Variants in KCNB2 observed in about 807,000 individuals in gnomAD.
KCNB2 encodes potassium voltage-gated channel subfamily B member 2, also known as delayed rectifier potassium channel protein.
In KCNB2, 15 loss-of-function variants were observed where a neutral mutation model predicts 61.5. The observed-to-expected ratio is 0.24, with a 90% CI of 0.16 to 0.38. KCNB2 has a LOEUF of 0.38. Ranked by LOEUF, KCNB2 falls within the 10% of genes least tolerant of loss-of-function variation. The probability of loss-of-function intolerance (pLI) is 1.00; values close to 1 mark genes in which losing one functional copy is unlikely to be tolerated. For synonymous variants in KCNB2, 457 were observed against 446.0 expected, an observed-to-expected ratio of 1.02 and a Z score of -0.31; for missense variants, 828 against 1,125.2, an observed-to-expected ratio of 0.74 and a Z score of 3.78.
intron 2 of KCNB2, among the ~76,000 whole-genome samples, chr8:72,622,724 G>A (rs1805731696): frequency 6.6e-6 from 1 of 152,146 alleles, no homozygotes; most frequent in Non-Finnish European, 1.5e-5. Flanking sequence ...TTGTTTAATT[G>A]TTCTGGTCTA....
intron 2 of KCNB2, among the ~76,000 whole-genome samples, chr8:72,790,094 C>A (rs1451782751): frequency 6.6e-6 from 1 of 152,116 alleles, no homozygotes; most frequent in Non-Finnish European, 1.5e-5. Flanking sequence ...TAGATACTCT[C>A]AGTTGCTTGT....
chr8:72,863,023 T>A (rs1000900307), intron 2 of KCNB2, among the ~76,000 whole-genome samples: 1 of 152,232 alleles, frequency 6.6e-6, no homozygotes, highest in African/African-American at 2.4e-5. Context: ...TCAAAGCCCA[T>A]GTTTTTTGCC....
At chr8:72,849,425 T>G (rs968560621) in intron 2 of KCNB2, among the ~76,000 whole-genome samples, 1 of 152,158 alleles carries the variant, frequency 6.6e-6, no homozygotes, top group African/African-American at 2.4e-5. Context: ...ACACTAGAAC[T>G]TATTCCTCCT....
At chr8:72,689,175 A>G (rs2128989877) in intron 2 of KCNB2, among the ~76,000 whole-genome samples, 1 of 152,320 alleles carries the variant, frequency 6.6e-6, no homozygotes, top group Non-Finnish European at 1.5e-5. Flanking sequence ...CATTTGTGTA[A>G]TTGTTCATCA....
intron 2 of KCNB2, among the ~76,000 whole-genome samples, chr8:72,899,644 G>A (rs1806053145): frequency 6.8e-6 from 1 of 147,890 alleles, no homozygotes; most frequent in African/African-American, 2.6e-5. Flanking sequence ...CAAAAGAATT[G>A]AAATACCTAG....
chr8:72,665,243 G>A (rs1042331608), intron 2 of KCNB2, among the ~76,000 whole-genome samples: 2 of 152,166 alleles, frequency 1.3e-5, no homozygotes, highest in East Asian at 1.9e-4. Flanking sequence ...AGAGGACCAC[G>A]GTCTTTGCTG....
chr8:72,874,436 G>A (rs2129004985), intron 2 of KCNB2, among the ~76,000 whole-genome samples: 1 of 152,292 alleles, frequency 6.6e-6, no homozygotes, highest in South Asian at 2.1e-4. Context: ...TGGACAGTCA[G>A]TGAGTCTGCT....
intron 2 of KCNB2, among the ~76,000 whole-genome samples, chr8:72,869,377 C>T (rs1805581183): frequency 6.6e-6 from 1 of 152,134 alleles, no homozygotes; most frequent in Non-Finnish European, 1.5e-5. Context: ...GGCACTTTTG[C>T]TTTTGTGGGA....
At chr8:72,724,578 C>T (rs1807602648) in intron 2 of KCNB2, among the ~76,000 whole-genome samples, 1 of 152,076 alleles carries the variant, frequency 6.6e-6, no homozygotes, top group South Asian at 2.1e-4. Context: ...CCATACCTAC[C>T]TAAAATTGCC....
chr8:72,541,347 C>T (rs990351120), intron 1 of KCNB2, among the ~76,000 whole-genome samples: 17 of 152,172 alleles, frequency 1.1e-4, no homozygotes, highest in Non-Finnish European at 2.1e-4. Context: ...TTCATTCTTA[C>T]AACCACCCTA....
chr8:72,841,319 T>C (rs942581068), intron 2 of KCNB2, among the ~76,000 whole-genome samples: 13 of 37,554 alleles, frequency 3.5e-4, no homozygotes, highest in Admixed American at 1.7e-3. Context: ...TGTAGTATAG[T>C]TTGAGTCAGG....
intron 2 of KCNB2, among the ~76,000 whole-genome samples, chr8:72,669,924 T>A (rs1269256885): frequency 6.6e-6 from 1 of 152,218 alleles, no homozygotes; most frequent in African/African-American, 2.4e-5. Flanking sequence ...ACAACATGAA[T>A]GTGCCTAAGA....
At chr8:72,656,702 A>C (rs1488677371) in intron 2 of KCNB2, among the ~76,000 whole-genome samples, 1 of 152,168 alleles carries the variant, frequency 6.6e-6, no homozygotes, top group Non-Finnish European at 1.5e-5. Context: ...ATTCATAGGA[A>C]GTTTCATGTT....
intron 2 of KCNB2, among the ~76,000 whole-genome samples, chr8:72,815,871 G>T (rs1809388549): frequency 6.6e-6 from 1 of 152,076 alleles, no homozygotes; most frequent in Non-Finnish European, 1.5e-5. Context: ...ACCTTACTAT[G>T]AAAAGCTTGT....
At chr8:72,823,995 G>A (rs915193087) in intron 2 of KCNB2, among the ~76,000 whole-genome samples, 2 of 152,142 alleles carry the variant, frequency 1.3e-5, no homozygotes, top group Admixed American at 1.3e-4. Context: ...ATCACAATAA[G>A]CCTTTTTTAA....
intron 2 of KCNB2, among the ~76,000 whole-genome samples, chr8:72,805,374 C>CA (rs1041033002): frequency 1.3e-5 from 2 of 152,088 alleles, no homozygotes; most frequent in African/African-American, 4.8e-5. Flanking sequence ...CAGACAACCA[C>CA]AAAAAAGATA....
Position 72,909,667 on chromosome 8 carries a change from T to A in KCNB2, c.580-26268T>A, listed in dbSNP as rs149114327. ...GGGCATGAATCTGGGGGGGAAATGATGGCAGTCCCACACTCAGGTAGTGGC... is the reference window on the plus strand; with the variant it reads ...GGGCATGAATCTGGGGGGGAAATGAAGGCAGTCCCACACTCAGGTAGTGGC... On this transcript the variant is annotated intron_variant, in intron 2 of 2. Coordinates refer to ENST00000523207, the MANE Select transcript of KCNB2 (RefSeq NM_004770.3). Among the ~76,000 whole-genome samples the A allele has an allele frequency of 8.6e-4, 131 of 152,132 alleles. 2 individuals carry two copies. Among genetic ancestry groups the A allele is most frequent in the African/African-American group, 3.0e-3 (124 of 41,504 alleles).
At chr8:72,558,451 A>G (rs1806461302) in intron 1 of KCNB2, among the ~76,000 whole-genome samples, 1 of 152,246 alleles carries the variant, frequency 6.6e-6, no homozygotes, top group African/African-American at 2.4e-5. Flanking sequence ...CTTTCCGGGA[A>G]GGTACTTATC....
At chr8:72,646,236 G>A (rs1806126883) in intron 2 of KCNB2, among the ~76,000 whole-genome samples, 1 of 151,676 alleles carries the variant, frequency 6.6e-6, no homozygotes, top group African/African-American at 2.4e-5. Context: ...ATTTATTAAT[G>A]CTGTTTGAAT....
Sources: allele counts gnomAD v4.1 joint callset (sites outside exome capture counted in the v4.1 genomes callset), GRCh38; gene constraint gnomAD v4.1.1; transcripts MANE v1.5; gene names NCBI Gene and HGNC (gene_info 2026-07-23, HGNC 2026-07-21).